Variants in WDR35 observed in about 807,000 individuals in gnomAD.
WDR35 encodes WD repeat domain 35.
WDR35 carries 118 observed loss-of-function variants against 158.3 expected under a neutral mutation model. That is an observed-to-expected ratio of 0.75 (90% CI 0.64 to 0.87). The LOEUF (loss-of-function observed/expected upper bound fraction) is 0.87, where lower values mean the gene tolerates loss of function less well. WDR35 is among the 40% of genes least tolerant of loss of function. The pLI, the probability that WDR35 is intolerant of heterozygous loss-of-function variation, is 0.00. For missense variants in WDR35, 1,263 were observed against 1,405.8 expected (o/e 0.90, Z 1.62); for synonymous variants, 448 against 476.1 (o/e 0.94, Z 0.77).
chr2:19,931,246 T>A, intron 24 of WDR35, 23 bp downstream of exon 24: 1 of 1,610,294 alleles, frequency 6.2e-7, no homozygotes, highest in Non-Finnish European at 8.5e-7. Flanking sequence ...AATGATGTAA[T>A]GTTATTTAAC....
chr2:19,929,294 T>C (rs1260297904), intron 25 of WDR35, among the ~76,000 whole-genome samples: 1 of 152,190 alleles, frequency 6.6e-6, no homozygotes, highest in Non-Finnish European at 1.5e-5. Flanking sequence ...TCCAGAAATA[T>C]TCAAATAAAA....
chr2:19,985,900 A>G (rs1047306167), intron 2 of WDR35, among the ~76,000 whole-genome samples: 37 of 16,116 alleles, frequency 2.3e-3, no homozygotes, highest in Admixed American at 5.7e-3. Flanking sequence ...CCATCTCGGG[A>G]AAAAAAAAAA....
At chr2:19,913,926 T>C in intron 26 of WDR35, 111 bp downstream of exon 26, 1 of 1,514,104 alleles carries the variant, frequency 6.6e-7, no homozygotes, top group Non-Finnish European at 9.0e-7. Context: ...ATAATGTTAA[T>C]GTGAATTGCT....
intron 19 of WDR35, among the ~76,000 whole-genome samples, chr2:19,936,586 C>G (rs1670704484): frequency 6.6e-6 from 1 of 152,140 alleles, no homozygotes; most frequent in Non-Finnish European, 1.5e-5. Flanking sequence ...CATGTTAAAA[C>G]TTAATCTCCA....
At chr2:19,950,123 A>T (rs924415743) in intron 13 of WDR35, among the ~76,000 whole-genome samples, 4 of 152,136 alleles carry the variant, frequency 2.6e-5, no homozygotes, top group African/African-American at 4.8e-5. Flanking sequence ...AGGTTTTTTT[A>T]AAAAAGGTAG....
intron 17 of WDR35, among the ~76,000 whole-genome samples, chr2:19,939,928 G>C (rs1237411150): frequency 6.6e-6 from 1 of 151,582 alleles, no homozygotes; most frequent in Non-Finnish European, 1.5e-5. Flanking sequence ...AGTCACCTTA[G>C]TTTGATTCTA....
intron 20 of WDR35, 110 bp from the exon 21 acceptor site, chr2:19,935,713 G>T: frequency 1.6e-6 from 2 of 1,246,564 alleles, no homozygotes; most frequent in Non-Finnish European, 2.2e-6. Context: ...TAGTATTACT[G>T]TTCATTATCT....
At chr2:19,928,470 C>T (rs964331253) in intron 25 of WDR35, among the ~76,000 whole-genome samples, 3 of 152,144 alleles carry the variant, frequency 2.0e-5, no homozygotes, top group Non-Finnish European at 2.9e-5. Context: ...ATTCCTCTAG[C>T]GCCGCTTGGT....
chr2:19,987,242 T>C (rs1455183893), intron 2 of WDR35, among the ~76,000 whole-genome samples: 1 of 152,236 alleles, frequency 6.6e-6, no homozygotes, highest in Non-Finnish European at 1.5e-5. Flanking sequence ...ACTGGACGGA[T>C]CTGCTGAATC....
intron 14 of WDR35, 112 bp from the exon 15 acceptor site, chr2:19,946,682 G>T: frequency 1.1e-6 from 1 of 927,174 alleles, no homozygotes; most frequent in Non-Finnish European, 1.7e-6. Flanking sequence ...TGATGTCACA[G>T]CAAATTCTCA....
intron 10 of WDR35, among the ~76,000 whole-genome samples, chr2:19,965,864 C>A (rs1053310638): frequency 6.6e-6 from 1 of 152,148 alleles, no homozygotes; most frequent in African/African-American, 2.4e-5. Flanking sequence ...CCAGGTACCC[C>A]CAAGTCCTGT....
intron 13 of WDR35, 92 bp downstream of exon 13, chr2:19,951,322 TG>T (rs1671229436): frequency 2.6e-6 from 3 of 1,167,210 alleles, no homozygotes; most frequent in Non-Finnish European, 3.7e-6. Context: ...TCCTATTCAC[TG>T]GAAACAAATT....
chr2:19,956,618 CTTTT>C (rs34318252), intron 11 of WDR35, among the ~76,000 whole-genome samples: 1 of 129,402 alleles, frequency 7.7e-6, no homozygotes. Context: ...CTTAATAATA[CTTTT>C]TTTTTTTTTT....
chr2:19,970,430 T>C (rs1672002938), intron 8 of WDR35, among the ~76,000 whole-genome samples: 1 of 152,186 alleles, frequency 6.6e-6, no homozygotes, highest in African/African-American at 2.4e-5. Context: ...AATAGCTTCC[T>C]AACTTTATAT....
chr2:19,946,786 T>C (rs925024780), intron 14 of WDR35, among the ~76,000 whole-genome samples: 9 of 152,166 alleles, frequency 5.9e-5, no homozygotes, highest in South Asian at 2.1e-4. Flanking sequence ...TTTTTTTTCA[T>C]GTAATATTCA....
chr2:19,963,776 A>C (rs1671745269), intron 10 of WDR35, among the ~76,000 whole-genome samples: 1 of 151,734 alleles, frequency 6.6e-6, no homozygotes, highest in African/African-American at 2.4e-5. Context: ...ACAGAGTCTC[A>C]CTCTGTCGCC....
intron 19 of WDR35, 73 bp downstream of exon 19, chr2:19,937,670 T>A (rs920302021): frequency 1.3e-6 from 2 of 1,588,528 alleles, no homozygotes; most frequent in African/African-American, 2.7e-5. Flanking sequence ...AACGTATTTA[T>A]AGTTTCCATT....
rs16987240 is a variant in WDR35 at position 19,933,352 on chromosome 2, A to C, written c.2658+49T>G. The stretch of plus-strand genomic sequence containing the variant: ...GTGACTTTAACCTTGCTTTGACTTA[A>C]AAATTCCTAAGACAATAAGCTGCAC... On this transcript the variant is annotated intron_variant, in intron 22 of 26. Transcript: ENST00000281405. 10,733 of 1,518,326 alleles carry C rather than the reference A, an allele frequency of 7.1e-3. 577 individuals are homozygous for C. In the African/African-American group the frequency reaches 0.12, roughly 18 times the overall value. The allele number at this position is 1,518,326 out of a possible 1,614,324, so 94.1% of individuals were successfully genotyped here.
chr2:19,931,168 G>T, intron 24 of WDR35, 101 bp downstream of exon 24: 1 of 1,329,204 alleles, frequency 7.5e-7, no homozygotes, highest in Non-Finnish European at 1.0e-6. Context: ...ATGCAGACAT[G>T]CAAATTAAAT....
Sources: gnomAD v4.1 joint callset for allele counts (sites outside exome capture counted in the v4.1 genomes callset) on GRCh38, gnomAD v4.1.1 for gene constraint, MANE v1.5 for transcripts, NCBI Gene and HGNC (gene_info 2026-07-23, HGNC 2026-07-21) for gene names.